The following CLYBL variants were observed in gnomAD, a reference collection of about 807,000 sequenced individuals.
The protein encoded by CLYBL is citramalyl-CoA lyase.
In CLYBL, 31 loss-of-function variants were observed where a neutral mutation model predicts 38.9. The ratio of observed to expected loss-of-function variants is 0.80; its 90% CI spans 0.60 to 1.08. The LOEUF (loss-of-function observed/expected upper bound fraction) is 1.08. Among genes scored for constraint, CLYBL ranks in the 50% least tolerant of loss-of-function variants. The pLI is 0.00. For synonymous variants in CLYBL, 171 were observed against 158.6 expected, an observed-to-expected ratio of 1.08 and a Z score of -0.59; for missense variants, 434 against 411.6, an observed-to-expected ratio of 1.05 and a Z score of -0.47.
intron 2 of CLYBL, among the ~76,000 whole-genome samples, chr13:99,841,224 G>A (rs1407307812): frequency 2.6e-5 from 4 of 152,068 alleles, no homozygotes; most frequent in Non-Finnish European, 4.4e-5. Flanking sequence ...CACGGCGCAC[G>A]GAGGAAAGTA....
chr13:99,617,446 G>T (rs2046728826), intron 1 of CLYBL, among the ~76,000 whole-genome samples: 1 of 152,174 alleles, frequency 6.6e-6, no homozygotes, highest in Non-Finnish European at 1.5e-5. Flanking sequence ...TAGTCTCACA[G>T]TATTCTTTGT....
chr13:99,834,116 A>G (rs186911373), intron 2 of CLYBL, among the ~76,000 whole-genome samples: 1 of 152,204 alleles, frequency 6.6e-6, no homozygotes, highest in Admixed American at 6.5e-5. Flanking sequence ...GGCAGAACAA[A>G]GCCAGAGTCC....
At chr13:99,691,735 C>T (rs560715095) in intron 1 of CLYBL, among the ~76,000 whole-genome samples, 1 of 152,330 alleles carries the variant, frequency 6.6e-6, no homozygotes, top group East Asian at 1.9e-4. Flanking sequence ...TAGCGACTTC[C>T]TCCCTTCTTC....
intron 2 of CLYBL, among the ~76,000 whole-genome samples, chr13:99,830,772 T>C (rs1044926445): frequency 1.1e-4 from 16 of 152,220 alleles, no homozygotes; most frequent in Non-Finnish European, 2.1e-4. Flanking sequence ...TTTAAAGAAG[T>C]GTTCATTCCA....
intron 2 of CLYBL, among the ~76,000 whole-genome samples, chr13:99,794,607 T>TA (rs1566329958): frequency 6.7e-6 from 1 of 150,126 alleles, no homozygotes; most frequent in Non-Finnish European, 1.5e-5. Context: ...TTATTATTAT[T>TA]TTGAGATGGA....
intron 2 of CLYBL, among the ~76,000 whole-genome samples, chr13:99,773,782 A>T (rs1245074614): frequency 6.6e-6 from 1 of 152,120 alleles, no homozygotes; most frequent in African/African-American, 2.4e-5. Flanking sequence ...CTCTTCTGGG[A>T]TACGTGTCAA....
intron 1 of CLYBL, among the ~76,000 whole-genome samples, chr13:99,666,819 A>G (rs1193596794): frequency 6.6e-6 from 1 of 152,158 alleles, no homozygotes; most frequent in Non-Finnish European, 1.5e-5. Context: ...GGACAAACCC[A>G]CCTATGTTAA....
chr13:99,797,547 C>T lies in CLYBL; in HGVS notation c.249+24537C>T, dbSNP rs577658142. Among the ~76,000 whole-genome samples the T allele has an allele frequency of 6.0e-3, 343 of 56,946 alleles. 1 individual carries two copies. Among genetic ancestry groups the T allele is most frequent in the Non-Finnish European group, 7.9e-3 (252 of 31,778 alleles). The allele number at this position is 56,946 out of a possible 152,430, so 37.4% of individuals were successfully genotyped here. On this transcript the variant is annotated intron_variant, in intron 2 of 8. Coordinates refer to ENST00000339105, the MANE Select transcript of CLYBL (RefSeq NM_206808.5). ...AATATATAAAAGATTTCTGTGTCTG[C>T]CATGTTAGCTGTTTGTGTGTGTGTG...
intron 1 of CLYBL, among the ~76,000 whole-genome samples, chr13:99,770,653 C>T (rs1294574478): frequency 1.3e-5 from 2 of 151,850 alleles, no homozygotes; most frequent in African/African-American, 4.8e-5. Context: ...ATCCACCCTC[C>T]TCGGCCTCCC....
At chr13:99,819,734 C>T (rs1399027359) in intron 2 of CLYBL, among the ~76,000 whole-genome samples, 2 of 151,864 alleles carry the variant, frequency 1.3e-5, no homozygotes, top group Non-Finnish European at 2.9e-5. Context: ...ATAGATGCCC[C>T]AACTCAGGAA....
intron 1 of CLYBL, among the ~76,000 whole-genome samples, chr13:99,721,685 G>T (rs2048395744): frequency 7.5e-6 from 1 of 133,938 alleles, no homozygotes; most frequent in Admixed American, 9.2e-5. Flanking sequence ...TACTGTTCTT[G>T]TGTCACTTTA....
At chr13:99,763,427 T>C (rs1011551905) in intron 1 of CLYBL, among the ~76,000 whole-genome samples, 4 of 152,192 alleles carry the variant, frequency 2.6e-5, no homozygotes, top group South Asian at 2.1e-4. Flanking sequence ...GAAATAATCA[T>C]ATAGTCTTTG....
chr13:99,812,426 A>G (rs1431544984), intron 2 of CLYBL, among the ~76,000 whole-genome samples: 2 of 152,230 alleles, frequency 1.3e-5, no homozygotes, highest in African/African-American at 2.4e-5. Flanking sequence ...ACAGTTTCCA[A>G]TGGAGACAGC....
chr13:99,862,142 C>T (rs956665568), intron 3 of CLYBL, among the ~76,000 whole-genome samples: 1 of 152,126 alleles, frequency 6.6e-6, no homozygotes, highest in Admixed American at 6.5e-5. Context: ...CTATTAATGG[C>T]TGAATATTCC....
chr13:99,726,852 A>G (rs1413299872), intron 1 of CLYBL, among the ~76,000 whole-genome samples: 1 of 152,156 alleles, frequency 6.6e-6, no homozygotes, highest in Non-Finnish European at 1.5e-5. Context: ...AAGGCGTGCA[A>G]GGATGTACAT....
intron 1 of CLYBL, among the ~76,000 whole-genome samples, chr13:99,760,615 T>C (rs2049146982): frequency 6.6e-6 from 1 of 152,274 alleles, no homozygotes; most frequent in Admixed American, 6.5e-5. Context: ...ACTTTGAATA[T>C]ATTGGCCCAT....
At chr13:99,718,497 C>G (rs752504648) in intron 1 of CLYBL, among the ~76,000 whole-genome samples, 3 of 152,050 alleles carry the variant, frequency 2.0e-5, no homozygotes, top group Admixed American at 6.5e-5. Flanking sequence ...TCCCAAATGC[C>G]TTCAGCTTGA....
At chr13:99,748,547 C>A (rs2048898644) in intron 1 of CLYBL, among the ~76,000 whole-genome samples, 1 of 138,054 alleles carries the variant, frequency 7.2e-6, no homozygotes, top group South Asian at 2.5e-4. Context: ...TCAAGCGATT[C>A]TCCTGCCTCA....
intron 2 of CLYBL, among the ~76,000 whole-genome samples, chr13:99,786,669 G>A (rs575097459): frequency 2.0e-5 from 3 of 152,260 alleles, no homozygotes; most frequent in Admixed American, 6.5e-5. Flanking sequence ...ATAAACATAC[G>A]TGTACATGTG....
Sources: gnomAD v4.1 joint callset for allele counts (sites outside exome capture counted in the v4.1 genomes callset) on GRCh38, gnomAD v4.1.1 for gene constraint, MANE v1.5 for transcripts, NCBI Gene and HGNC (gene_info 2026-07-23, HGNC 2026-07-21) for gene names.